The following NRXN1 variants were observed in gnomAD, a reference collection of about 807,000 sequenced individuals.
NRXN1 encodes neurexin-1.
NRXN1 carries 39 observed loss-of-function variants against 150.9 expected under a neutral mutation model. The ratio of observed to expected loss-of-function variants is 0.26; its 90% confidence interval spans 0.20 to 0.34. The LOEUF (loss-of-function observed/expected upper bound fraction) is 0.34. Among genes scored for constraint, NRXN1 ranks in the 10% least tolerant of loss-of-function variants. NRXN1 has a pLI of 1.00. For missense variants in NRXN1, 1,815 were observed against 1,949.9 expected (o/e 0.93, Z 1.30); for synonymous variants, 924 against 757.0 (o/e 1.22, Z -3.62).
chr2:50,511,951 A>G (rs2092467846), intron 12 of NRXN1, among the ~76,000 whole-genome samples: 1 of 152,114 alleles, frequency 6.6e-6, no homozygotes, highest in Non-Finnish European at 1.5e-5. Context: ...TAGTTATGGG[A>G]GGTAATGGTA....
intron 2 of NRXN1, among the ~76,000 whole-genome samples, chr2:50,990,627 C>G (rs1698404197): frequency 6.6e-6 from 1 of 151,982 alleles, no homozygotes. Flanking sequence ...CTTCTCTCTT[C>G]TCTCCATTCT....
At chr2:50,415,932 G>A (rs1339842152) in intron 17 of NRXN1, among the ~76,000 whole-genome samples, 3 of 131,392 alleles carry the variant, frequency 2.3e-5, no homozygotes, top group African/African-American at 9.2e-5. Flanking sequence ...ATGGCCAACT[G>A]TTAGTAGTTA....
intron 5 of NRXN1, among the ~76,000 whole-genome samples, chr2:50,680,024 TG>T (rs1003004986): frequency 5.6e-5 from 8 of 143,330 alleles, no homozygotes; most frequent in African/African-American, 2.1e-4. Context: ...CCTAGCTTGG[TG>T]GGGGTTGGGG....
At chr2:50,956,385 G>A (rs1049362890) in intron 2 of NRXN1, among the ~76,000 whole-genome samples, 5 of 152,072 alleles carry the variant, frequency 3.3e-5, no homozygotes, top group African/African-American at 9.7e-5. Context: ...CATGTAAGGG[G>A]AGTAATCGCT....
At chr2:50,648,281 G>A (rs566538851) in intron 5 of NRXN1, among the ~76,000 whole-genome samples, 2 of 151,998 alleles carry the variant, frequency 1.3e-5, no homozygotes, top group East Asian at 3.9e-4. Context: ...TGGAAATGCT[G>A]AGAAGCCACA....
At chr2:50,704,644 A>T (rs985163571) in intron 5 of NRXN1, among the ~76,000 whole-genome samples, 1 of 151,480 alleles carries the variant, frequency 6.6e-6, no homozygotes, top group Non-Finnish European at 1.5e-5. Flanking sequence ...TTATATGTGT[A>T]AATTTATGTT....
intron 20 of NRXN1, 97 bp downstream of exon 20, chr2:50,054,858 A>G (rs527949697): frequency 1.3e-6 from 1 of 791,202 alleles, no homozygotes; most frequent in African/African-American, 1.8e-5. Context: ...AGTTTTACGG[A>G]AAATTTATTT....
chr2:50,675,793 G>A (rs2194390), intron 5 of NRXN1, among the ~76,000 whole-genome samples: 139,263 of 152,158 alleles, frequency 0.92, 63,959 homozygotes, highest in African/African-American at 0.98. Context: ...AATAAAGATG[G>A]AGAGTATCAG....
intron 21 of NRXN1, among the ~76,000 whole-genome samples, chr2:49,948,616 A>T (rs1673377166): frequency 6.6e-6 from 1 of 151,938 alleles, no homozygotes; most frequent in South Asian, 2.1e-4. Context: ...AGGGGAAGAA[A>T]ATCAAATTTC....
intron 21 of NRXN1, among the ~76,000 whole-genome samples, chr2:49,975,414 G>T (rs1489639913): frequency 6.6e-6 from 1 of 152,012 alleles, no homozygotes; most frequent in African/African-American, 2.4e-5. Context: ...AACATTGATA[G>T]GTGTGCCTCA....
chr2:50,664,776 C>T (rs1241903964), intron 5 of NRXN1, among the ~76,000 whole-genome samples: 1 of 146,652 alleles, frequency 6.8e-6, no homozygotes, highest in Non-Finnish European at 1.5e-5. Flanking sequence ...GTTAACATTC[C>T]TAAAAAAAAA....
intron 17 of NRXN1, among the ~76,000 whole-genome samples, chr2:50,296,518 C>CTATTAGTATTAT (rs60974449): frequency 1.4e-5 from 2 of 148,016 alleles, no homozygotes; most frequent in Admixed American, 6.8e-5. Context: ...TGCTTAGCTT[C>CTATTAGTATTAT]TATTATTATT....
At chr2:50,331,709 G>A (rs1184472008) in intron 17 of NRXN1, among the ~76,000 whole-genome samples, 1 of 152,134 alleles carries the variant, frequency 6.6e-6, no homozygotes, top group African/African-American at 2.4e-5. Context: ...CATTCTCCTT[G>A]TGTTCAAGTG....
intron 17 of NRXN1, among the ~76,000 whole-genome samples, chr2:50,447,737 TTATATATATATATATATATATATA>T (rs70948710): frequency 4.0e-4 from 15 of 37,932 alleles, no homozygotes; most frequent in Middle Eastern, 0.014. Flanking sequence ...CAGGGGAACG[TTATATATATATATATATATATATA>T]TATATATATA....
chr2:49,984,314 C>G lies in NRXN1; in HGVS notation c.4129-40523G>C, dbSNP rs796386841. On this transcript the variant is annotated intron_variant, in intron 21 of 22. Coordinates refer to ENST00000401669, the MANE Select transcript of NRXN1 (RefSeq NM_001330078.2). Reference sequence around the variant, plus strand: ...ACCAGAATTCACATATTTTAAGCCACATTTTAGCCTTCATTCTAGTAAAAT... The same window carrying G: ...ACCAGAATTCACATATTTTAAGCCAGATTTTAGCCTTCATTCTAGTAAAAT... 2.6e-5 allele frequency among the ~76,000 whole-genome samples: 4 copies of G among 152,092 alleles called. No homozygotes were observed. The East Asian group carries it at 7.7e-4, about 29-fold the overall frequency.
At chr2:50,192,768 G>A (rs947417454) in intron 18 of NRXN1, among the ~76,000 whole-genome samples, 17 of 152,082 alleles carry the variant, frequency 1.1e-4, no homozygotes, top group Non-Finnish European at 2.4e-4. Context: ...CACCACTCCC[G>A]GCTAATTTTT....
At chr2:50,999,022 G>A (rs779720745) in intron 2 of NRXN1, among the ~76,000 whole-genome samples, 2 of 151,942 alleles carry the variant, frequency 1.3e-5, no homozygotes, top group African/African-American at 4.8e-5. Flanking sequence ...AAGATACTTC[G>A]TATCTTGTTA....
intron 5 of NRXN1, among the ~76,000 whole-genome samples, chr2:50,659,670 T>C (rs764765546): frequency 2.7e-4 from 41 of 151,802 alleles, no homozygotes; most frequent in Non-Finnish European, 3.7e-4. Flanking sequence ...TATTCATTTA[T>C]ATTTTTCTGC....
At chr2:50,012,333 A>G (rs553297819) in intron 21 of NRXN1, among the ~76,000 whole-genome samples, 3 of 152,246 alleles carry the variant, frequency 2.0e-5, no homozygotes, top group East Asian at 3.9e-4. Context: ...TTTAAATCTG[A>G]TATTTGTAGT....
Sources: gnomAD v4.1 joint callset for allele counts (sites outside exome capture counted in the v4.1 genomes callset) on GRCh38, gnomAD v4.1.1 for gene constraint, MANE v1.5 for transcripts, NCBI Gene and HGNC (gene_info 2026-07-23, HGNC 2026-07-21) for gene names.